KRT31: variants seen among roughly 807,000 people sequenced by gnomAD.
KRT31 encodes keratin, type I cuticular Ha1.
Under a neutral mutation model 40.8 loss-of-function variants are expected in KRT31, and 27 were observed. The observed-to-expected ratio is 0.66, with a 90% CI of 0.49 to 0.91. The LOEUF (loss-of-function observed/expected upper bound fraction) is 0.91. KRT31 is among the 40% of genes least tolerant of loss of function. The pLI, the probability that KRT31 is intolerant of heterozygous loss-of-function variation, is 0.00. For synonymous variants in KRT31, 231 were observed against 231.9 expected (o/e 1.00, Z 0.03); for missense variants, 510 against 544.1 (o/e 0.94, Z 0.62).
At chr17:41,396,798 G>T in intron 2 of KRT31, 115 bp downstream of exon 2, 1 of 1,064,532 alleles carries the variant, frequency 9.4e-7, no homozygotes, top group Non-Finnish European at 1.4e-6. Flanking sequence ...GTTCTCCCCA[G>T]TCCTCTGCAG....
chr17:41,394,851 C>T lies in KRT31; in HGVS notation c.1094G>A (p.Cys365Tyr). ...ACACGTCTGCCCATGTACTCACTTG[C>T]AGTCCTCGCTCTCCAGCAGGCTCCG... ...TYRSLLESEDCNLPSNPCATT... is the reference protein window; with the variant it reads ...TYRSLLESEDYNLPSNPCATT... The change falls in exon 6 of 7, where the codon TGC becomes TAC. Residue 365 changes from cysteine to tyrosine, a missense_variant. Cys to Tyr is a radical substitution (Grantham distance 194). Transcript: ENST00000251645. 2 of 1,614,082 alleles carry T rather than the reference C, an allele frequency of 1.2e-6. No homozygotes were observed. The highest frequency in any genetic ancestry group is 1.7e-6 in the Non-Finnish European group (2 of 1,179,978).
At position 41,396,465 on chromosome 17, in the gene KRT31, C is replaced by T; in HGVS notation, c.543G>A (p.Glu181=). ...GGCAGAGCAGCTCCTCCTTCAGGGA[C>T]TCCACCTGGGCCTCCAGGTCGGACT... The part of the protein sequence containing the change: ...LCKSDLEAQV[E]SLKEELLCLK... The change falls in exon 3 of 7, where the codon GAG becomes GAA. Residue 181 remains glutamate (E), a synonymous_variant. Transcript: ENST00000251645. The T allele has an allele frequency of 1.2e-6, 2 of 1,614,198 alleles. No individual in the cohort carries two copies. The highest frequency in any genetic ancestry group is 2.2e-5 in the South Asian group (2 of 91,080).
chr17:41,396,274 C>G (rs2018224856), intron 3 of KRT31, 146 bp downstream of exon 3: 2 of 699,300 alleles, frequency 2.9e-6, no homozygotes, highest in Non-Finnish European at 2.3e-6. Context: ...GGTCTTATCT[C>G]TCTCCAATTT....
In KRT31 at chr17:41,396,841, C is replaced by T. The variant is rs142605614; in HGVS notation, c.431+72G>A. The T allele has an allele frequency of 1.4e-4, 189 of 1,350,636 alleles. 1 individual carries two copies. The African/African-American group carries it at 2.6e-3, about 18-fold the overall frequency. 83.7% of individuals were successfully genotyped at this position (1,350,636 alleles called of 1,614,324 possible). ...CACAACAAGTGGGTAGATCTGTTTT[C>T]AGATGGAAATCCCTTTTCTTTAAAG... On this transcript the variant is annotated intron_variant, in intron 2 of 6. Coordinates refer to ENST00000251645, the MANE Select transcript of KRT31 (RefSeq NM_002277.3).
Position 41,397,386 on chromosome 17 carries a change from A to C in KRT31, c.154T>G (p.Phe52Val), listed in dbSNP as rs1422887814. The C allele has an allele frequency of 6.2e-7, 1 of 1,613,062 alleles. No individual in the cohort carries two copies. The change falls in exon 1 of 7, where the codon TTC becomes GTC. Residue 52 changes from phenylalanine to valine, a missense_variant. Physicochemically the swap from Phe to Val is conservative, Grantham distance 50. Coordinates refer to ENST00000251645, the MANE Select transcript of KRT31 (RefSeq NM_002277.3). ...ATAGTCTCCTTCTCGCTACCATTGAAGGAGCCCTCGCAGAACCAGTTGCAG... is the reference window on the plus strand; with the variant it reads ...ATAGTCTCCTTCTCGCTACCATTGACGGAGCCCTCGCAGAACCAGTTGCAG... The part of the protein sequence containing the change: ...SNCNWFCEGS[F>V]NGSEKETMQF...
chr17:41,395,512 C>T lies in KRT31; in HGVS notation c.700G>A (p.Ala234Thr), dbSNP rs563413053. 48 of 1,614,194 alleles carry T rather than the reference C, an allele frequency of 3.0e-5. 2 individuals carry two copies. The South Asian group carries it at 5.1e-4, about 17-fold the overall frequency. The change falls in exon 4 of 7, where the codon GCC becomes ACC. Residue 234 changes from alanine to threonine, a missense_variant. By Grantham distance (58) the Ala-to-Thr change is moderately conservative. Coordinates refer to ENST00000251645, the MANE Select transcript of KRT31 (RefSeq NM_002277.3). Reference protein sequence around the residue: ...VLNETRSQYEALVETNRREVE... With the variant: ...VLNETRSQYETLVETNRREVE... ...TCCCTGCGGTTGGTTTCCACCAGGG[C>T]CTCATACTGACTCCTGGTCTCGTTC...
chr17:41,394,138 C>T lies in KRT31; in HGVS notation c.1129G>A (p.Ala377Thr), dbSNP rs374406520. 1.5e-5 allele frequency: 24 copies of T among 1,611,886 alleles called. No homozygotes were observed. Among genetic ancestry groups the T allele is most frequent in the Admixed American group, 5.0e-5 (3 of 59,514 alleles). The stretch of plus-strand genomic sequence containing the variant: ...CAGGGTCCGATGGGCTTGCTGCACG[C>T]GTTGGTCGTGGCACAGGGATTGCTG... ...LPSNPCATTN[A>T]CSKPIGPCLS... The change falls in exon 7 of 7, where the codon GCG becomes ACG. Residue 377 changes from alanine (A) to threonine (T), a missense_variant. Transcript: ENST00000251645.
chr17:41,396,675 A>C lies in KRT31; in HGVS notation c.432-99T>G, dbSNP rs1022807053. On this transcript the variant is annotated intron_variant, in intron 2 of 6. Transcript: ENST00000251645. ...TGTGCCTTATCTTTCCACTTTCTGT[A>C]ATGAATAGGCCCAGGAGACAGAGGT... The C allele has an allele frequency of 8.0e-6, 11 of 1,373,292 alleles. No individual in the cohort carries two copies. In the South Asian group the frequency reaches 1.5e-4, roughly 19 times the overall value. 85.1% of individuals were successfully genotyped at this position (1,373,292 alleles called of 1,614,324 possible). A position where few individuals can be genotyped will look rare whatever the true frequency, so the allele number is the denominator to read the frequency against.
rs1252704047 is a variant in KRT31, at chr17:41,393,998, T to C, written c.*18A>G. The C allele has an allele frequency of 2.5e-6, 4 of 1,611,450 alleles. No individual in the cohort carries two copies. The highest frequency in any genetic ancestry group is 2.7e-5 in the African/African-American group (2 of 74,792). On this transcript the variant is annotated 3_prime_UTR_variant, in exon 7 of 7. Coordinates refer to ENST00000251645, the MANE Select transcript of KRT31 (RefSeq NM_002277.3). ...GTCCTGGGCCCTGCATCCTTGCTCCTCTGGCATTCCCTAGGTTCTAGCGCA... is the reference window on the plus strand; with the variant it reads ...GTCCTGGGCCCTGCATCCTTGCTCCCCTGGCATTCCCTAGGTTCTAGCGCA...
chr17:41,394,959 C>A lies in KRT31; in HGVS notation c.986G>T (p.Arg329Leu), dbSNP rs1238518166. The A allele has an allele frequency of 2.5e-6, 4 of 1,614,120 alleles. No homozygotes were observed. Among genetic ancestry groups the A allele is most frequent in the Admixed American group, 3.3e-5 (2 of 60,010 alleles). The change falls in exon 6 of 7, where the codon CGC becomes CTC. Residue 329 changes from arginine to leucine, a missense_variant. Arg to Leu is a moderately radical substitution (Grantham distance 102). Transcript: ENST00000251645. ...TNVESQLAEI[R>L]SDLERQNQEY... Reference sequence around the variant, plus strand: ...CTGGTTCTGCCGCTCCAGGTCACTGCGGATCTCCGCCAGCTGGGACTCCAC... The same window carrying A: ...CTGGTTCTGCCGCTCCAGGTCACTGAGGATCTCCGCCAGCTGGGACTCCAC...
rs1221792128 is a variant in KRT31, at chr17:41,396,629, G to C, written c.432-53C>G. The C allele has an allele frequency of 3.8e-6, 6 of 1,571,900 alleles. No individual in the cohort carries two copies. In the East Asian group the frequency reaches 1.4e-4, roughly 35 times the overall value. On this transcript the variant is annotated intron_variant, in intron 2 of 6. Transcript: ENST00000251645. ...CCTGGTAGATCTTCAAGACTCACAG[G>C]AATGATTTTTGATAACCTCATGTGC...
In KRT31 at chr17:41,396,425, C is replaced by T. The variant is rs764633675; in HGVS notation, c.583G>A (p.Glu195Lys). 6 of 1,613,702 alleles carry T rather than the reference C, an allele frequency of 3.7e-6. No homozygotes were observed. The African/African-American group carries it at 6.7e-5, about 18-fold the overall frequency. The change falls in exon 3 of 7, where the codon GAG (glutamate) becomes AAG (lysine). Residue 195 changes from glutamate to lysine, a missense_variant. Physicochemically the swap from Glu to Lys is moderately conservative, Grantham distance 56. Coordinates refer to ENST00000251645, the MANE Select transcript of KRT31 (RefSeq NM_002277.3). ...TTTCTCATTTCTAGTCTCACCTGCT[C>T]ATGGTTGCTCTTGAGGCAGAGCAGC... Reference protein sequence around the residue: ...EELLCLKSNHEQEVNTLRCQL... With the variant: ...EELLCLKSNHKQEVNTLRCQL...
chr17:41,397,034 A>T (rs758495333), intron 1 of KRT31, 39 bp from the exon 2 acceptor site: 5 of 1,588,294 alleles, frequency 3.1e-6, no homozygotes, highest in Non-Finnish European at 4.3e-6. Context: ...ACTGAAAATA[A>T]ATATGAAATC....
At chr17:41,396,240 G>GT (rs1431171545) in intron 3 of KRT31, among the ~76,000 whole-genome samples, 180 bp downstream of exon 3, 1 of 152,220 alleles carries the variant, frequency 6.6e-6, no homozygotes, top group Non-Finnish European at 1.5e-5. Flanking sequence ...AGTGAAAGAT[G>GT]TTTCCTGTCT....
intron 6 of KRT31, 73 bp from the exon 7 acceptor site, chr17:41,394,242 A>G: frequency 6.5e-7 from 1 of 1,546,382 alleles, no homozygotes; most frequent in Non-Finnish European, 8.9e-7. Flanking sequence ...GATATCCCCA[A>G]GGGTAAGAAT....
intron 3 of KRT31, among the ~76,000 whole-genome samples, 184 bp from the exon 4 acceptor site, chr17:41,395,807 G>A (rs1029056872): frequency 1.3e-5 from 2 of 152,166 alleles, no homozygotes; most frequent in Non-Finnish European, 2.9e-5. Context: ...CTGTGCCATG[G>A]CACTTGGCTT....
rs772228051 is a variant in KRT31, at chr17:41,395,116, G to A, written c.877-48C>T. 6 of 1,611,570 alleles carry A rather than the reference G, an allele frequency of 3.7e-6. No individual in the cohort carries two copies. In the African/African-American group the frequency reaches 4.0e-5, roughly 11 times the overall value. On this transcript the variant is annotated intron_variant, in intron 5 of 6. Coordinates refer to ENST00000251645, the MANE Select transcript of KRT31 (RefSeq NM_002277.3). ...TGTCAGAGAGCTGCTCCTTCAAAGG[G>A]TTTCTTCACAGGATTACAAGGAAGT...
At chr17:41,396,813 C>T in intron 2 of KRT31, 100 bp downstream of exon 2, 1 of 1,168,254 alleles carries the variant, frequency 8.6e-7, no homozygotes, top group East Asian at 2.4e-5. Context: ...CTGCAGAATC[C>T]TTCACAACAA....
At chr17:41,394,761 T>G (rs2018188186) in intron 6 of KRT31, 87 bp downstream of exon 6, 8 of 1,576,994 alleles carry the variant, frequency 5.1e-6, no homozygotes, top group South Asian at 2.4e-5. Flanking sequence ...ATAATTTCCT[T>G]TCCAAGGTAT....
Sources: gnomAD v4.1 joint callset for allele counts (sites outside exome capture counted in the v4.1 genomes callset) on GRCh38, gnomAD v4.1.1 for gene constraint, MANE v1.5 for transcripts, NCBI Gene and HGNC (gene_info 2026-07-23, HGNC 2026-07-21) for gene names.